SLC16A10: variants seen among roughly 807,000 people sequenced by gnomAD.
SLC16A10 encodes the protein solute carrier family 16 member 10.
SLC16A10 carries 27 observed loss-of-function variants against 40.0 expected under a neutral mutation model. The observed-to-expected ratio is 0.67, with a 90% CI of 0.50 to 0.93. The LOEUF is 0.93. SLC16A10 is among the 40% of genes least tolerant of loss of function. The pLI, the probability that SLC16A10 is intolerant of heterozygous loss-of-function variation, is 0.00. For missense variants in SLC16A10, 529 were observed against 658.2 expected (o/e 0.80, Z 2.15); for synonymous variants, 213 against 249.8 (o/e 0.85, Z 1.39).
chr6:111,229,990 C>CTTTTGTTTTTTTTTTTTTT lies in SLC16A10; in HGVS notation c.*7759_*7760insGTTTTTTTTTTTTTTTTTT, dbSNP rs1771078686. On this transcript the variant is annotated 3_prime_UTR_variant, in exon 6 of 6. Coordinates refer to ENST00000368851, the MANE Select transcript of SLC16A10 (RefSeq NM_018593.5). ...CAGGTTTCTTTTTCTTTCTTTGTTT[C>CTTTTGTTTTTTTTTTTTTT]TTTTTTTTTTTTTTTTTTGAGATGG... 1.2e-5 allele frequency: 1 copy of CTTTTGTTTTTTTTTTTTTT among 85,382 alleles called. No homozygotes were observed. The highest frequency in any genetic ancestry group is 5.0e-5 in the African/African-American group (1 of 19,980). The allele number at this position is 85,382 out of a possible 1,614,324, so 5.3% of individuals were successfully genotyped here. A position where few individuals can be genotyped will look rare whatever the true frequency, so the allele number is the denominator to read the frequency against.
chr6:111,173,520 C>G (rs1189937166), intron 2 of SLC16A10: 1 of 152,196 alleles, frequency 6.6e-6, no homozygotes, highest in Non-Finnish European at 1.5e-5. Flanking sequence ...AGGAGGTGAG[C>G]TGTGGGTGAG....
intron 1 of SLC16A10, among the ~76,000 whole-genome samples, chr6:111,162,115 C>T (rs192443133): frequency 1.6e-3 from 243 of 152,316 alleles, no homozygotes; most frequent in African/African-American, 5.6e-3. Context: ...TTTCTCTCTC[C>T]AGTCCTCATT....
chr6:111,209,569 T>G (rs1353522535), intron 4 of SLC16A10, among the ~76,000 whole-genome samples: 1 of 152,192 alleles, frequency 6.6e-6, no homozygotes. Flanking sequence ...AAGTAGTGTT[T>G]AGAGCTCATG....
At chr6:111,175,478 AG>A (rs1223894780) in intron 2 of SLC16A10, among the ~76,000 whole-genome samples, 4 of 152,234 alleles carry the variant, frequency 2.6e-5, no homozygotes, top group African/African-American at 7.2e-5. Context: ...ACTTTGAAGA[AG>A]GCAGAGAGAA....
chr6:111,097,004 G>A (rs959834077), intron 1 of SLC16A10, among the ~76,000 whole-genome samples: 16 of 151,758 alleles, frequency 1.1e-4, no homozygotes, highest in African/African-American at 2.9e-4. Flanking sequence ...AAATTTTTTT[G>A]TGGGGGAGGG....
chr6:111,175,062 A>C (rs558237644), intron 2 of SLC16A10, among the ~76,000 whole-genome samples: 1 of 152,308 alleles, frequency 6.6e-6, no homozygotes, highest in Non-Finnish European at 1.5e-5. Flanking sequence ...GCAAGGGGAA[A>C]TGTGGTATAG....
chr6:111,168,271 C>G (rs984467845), intron 1 of SLC16A10, among the ~76,000 whole-genome samples: 1 of 152,178 alleles, frequency 6.6e-6, no homozygotes, highest in Non-Finnish European at 1.5e-5. Context: ...TGAGCCAACA[C>G]GCCTGGCCGT....
chr6:111,123,882 A>G (rs903145852), intron 1 of SLC16A10, among the ~76,000 whole-genome samples: 1 of 152,190 alleles, frequency 6.6e-6, no homozygotes, highest in Non-Finnish European at 1.5e-5. Context: ...TCTGGGAGAC[A>G]TTGGCTTTAA....
chr6:111,131,131 C>T (rs1486997890), intron 1 of SLC16A10, among the ~76,000 whole-genome samples: 5 of 152,228 alleles, frequency 3.3e-5, no homozygotes, highest in African/African-American at 4.8e-5. Context: ...GCTGAGCTTT[C>T]GCTCGCTGTC....
At chr6:111,185,106 C>G (rs917447026) in intron 3 of SLC16A10, among the ~76,000 whole-genome samples, 1 of 152,170 alleles carries the variant, frequency 6.6e-6, no homozygotes, top group African/African-American at 2.4e-5. Flanking sequence ...TCAAGCACTT[C>G]CCCAAAATCT....
chr6:111,110,316 A>T (rs566236712), intron 1 of SLC16A10, among the ~76,000 whole-genome samples: 25 of 151,220 alleles, frequency 1.7e-4, no homozygotes, highest in African/African-American at 6.1e-4. Context: ...GGTGGTAGCT[A>T]GAGGAAGATT....
chr6:111,091,226 G>A lies in SLC16A10; in HGVS notation c.343+3131G>A, dbSNP rs74713059. On this transcript the variant is annotated intron_variant, in intron 1 of 5. Transcript: ENST00000368851. ...TATTTATTTATTTAAAATATGGAAT[G>A]CTTCATGAATTTGCATGTCATCCTT... 3.3e-5 allele frequency: 5 copies of A among 152,118 alleles called. No individual in the cohort carries two copies. The East Asian group carries it at 7.7e-4, about 23-fold the overall frequency. The allele number at this position is 152,118 out of a possible 1,614,324, so 9.4% of individuals were successfully genotyped here. A position where few individuals can be genotyped will look rare whatever the true frequency, so the allele number is the denominator to read the frequency against.
intron 1 of SLC16A10, among the ~76,000 whole-genome samples, chr6:111,100,952 TTCTCTCCC>T (rs576817628): frequency 0.039 from 3,154 of 81,032 alleles, 62 homozygotes; most frequent in Non-Finnish European, 0.049. Flanking sequence ...CTCTCGCTCT[TTCTCTCCC>T]TCTCTCTCTC....
At chr6:111,211,992 CTG>C (rs769901133) in intron 4 of SLC16A10, among the ~76,000 whole-genome samples, 24 of 152,194 alleles carry the variant, frequency 1.6e-4, no homozygotes, top group Non-Finnish European at 2.6e-4. Context: ...CTTCTTGGGG[CTG>C]TGACAACTCT....
intron 1 of SLC16A10, among the ~76,000 whole-genome samples, chr6:111,088,658 C>T (rs1770918121): frequency 6.6e-6 from 1 of 152,140 alleles, no homozygotes; most frequent in Admixed American, 6.5e-5. Flanking sequence ...GTCCCCCCGC[C>T]TTTTTTTGCC....
At chr6:111,220,443 A>G (rs1212205789) in intron 5 of SLC16A10, among the ~76,000 whole-genome samples, 1 of 152,238 alleles carries the variant, frequency 6.6e-6, no homozygotes, top group Non-Finnish European at 1.5e-5. Flanking sequence ...AAGATTCAGT[A>G]TAAATATGAT....
At chr6:111,102,736 T>G (rs1771211081) in intron 1 of SLC16A10, among the ~76,000 whole-genome samples, 1 of 152,142 alleles carries the variant, frequency 6.6e-6, no homozygotes, top group South Asian at 2.1e-4. Context: ...TTGTGATTCT[T>G]CCAGGTGACA....
In SLC16A10 at chr6:111,222,901, G is replaced by T. The variant is rs1017368667; in HGVS notation, c.*666G>T. The T allele has an allele frequency of 3.9e-5, 6 of 152,314 alleles. No homozygotes were observed. Among genetic ancestry groups the T allele is most frequent in the African/African-American group, 1.4e-4 (6 of 41,560 alleles). The allele number at this position is 152,314 out of a possible 1,614,324, so 9.4% of individuals were successfully genotyped here. On this transcript the variant is annotated 3_prime_UTR_variant, in exon 6 of 6. Transcript: ENST00000368851. Reference sequence around the variant, plus strand: ...CCTGAGCTGTTCAGAAATCATTTAAGTTTACAGCGTTGTTCCCTTTGCGTT... The same window carrying T: ...CCTGAGCTGTTCAGAAATCATTTAATTTTACAGCGTTGTTCCCTTTGCGTT...
At chr6:111,157,336 T>A (rs1772288884) in intron 1 of SLC16A10, among the ~76,000 whole-genome samples, 1 of 151,682 alleles carries the variant, frequency 6.6e-6, no homozygotes, top group South Asian at 2.1e-4. Flanking sequence ...TGGACTGGAG[T>A]GCAATGGCAT....
Sources: allele counts gnomAD v4.1 joint callset (sites outside exome capture counted in the v4.1 genomes callset), GRCh38; gene constraint gnomAD v4.1.1; transcripts MANE v1.5; gene names NCBI Gene and HGNC (gene_info 2026-07-23, HGNC 2026-07-21).